Variants in MRPL34 observed in about 807,000 individuals in gnomAD.
The protein encoded by MRPL34 is large ribosomal subunit protein bL34m.
In MRPL34, 8 loss-of-function variants were observed where a neutral mutation model predicts 6.7. The ratio of observed to expected loss-of-function variants is 1.20; its 90% confidence interval spans 0.70 to 2.16. MRPL34 has a LOEUF of 2.16. Ranked by LOEUF, MRPL34 falls within the 30% of genes most tolerant of loss-of-function variation. The pLI is 0.00. For synonymous variants in MRPL34, 59 were observed against 55.1 expected (o/e 1.07, Z -0.31); for missense variants, 146 against 125.5 (o/e 1.16, Z -0.78).
chr19:17,300,738 A>G, upstream of MRPL34: 1 of 1,327,232 alleles, frequency 7.5e-7, no homozygotes, highest in Non-Finnish European at 1.0e-6. Flanking sequence ...TCGGCCTCCC[A>G]AAGTGCTGGG....
upstream of MRPL34, chr19:17,301,490 C>T (rs760095047): frequency 7.4e-6 from 12 of 1,611,562 alleles, no homozygotes; most frequent in African/African-American, 9.3e-5. Context: ...ACCCGCAGCA[C>T]GCGGCCGGGC....
upstream of MRPL34, among the ~76,000 whole-genome samples, chr19:17,298,984 T>G (rs375312149): frequency 4.6e-5 from 7 of 152,270 alleles, no homozygotes; most frequent in East Asian, 1.9e-4. Flanking sequence ...TCAAGTGATC[T>G]GCCTGCTTTG....
At chr19:17,295,251 G>A (rs1300564272) in intron 1 of MRPL34, among the ~76,000 whole-genome samples, 3 of 148,634 alleles carry the variant, frequency 2.0e-5, no homozygotes, top group Non-Finnish European at 3.0e-5. Context: ...GACTACAGGC[G>A]CCCGCCACCG....
At chr19:17,293,118 CAG>C (rs942497023) in intron 1 of MRPL34, among the ~76,000 whole-genome samples, 11 of 134,874 alleles carry the variant, frequency 8.2e-5, no homozygotes, top group African/African-American at 3.1e-4. Flanking sequence ...TTTTTTGAGA[CAG>C]AGTCTTGCTC....
chr19:17,301,527 G>T (rs753140950), upstream of MRPL34: 2 of 1,610,444 alleles, frequency 1.2e-6, no homozygotes, highest in South Asian at 1.1e-5. Flanking sequence ...TGTAGCCATC[G>T]CTGGACTCGA....
upstream of MRPL34, chr19:17,305,796 G>C: frequency 7.7e-7 from 1 of 1,306,554 alleles, no homozygotes; most frequent in Non-Finnish European, 1.1e-6. Context: ...TTGCACGTTA[G>C]GAGAAACTAC....
At position 17,295,192 on chromosome 19, in the gene MRPL34, G is replaced by C. The variant is rs922396549; in HGVS notation, c.214+2338G>C. On this transcript the variant is annotated intron_variant, in intron 1 of 2. Coordinates refer to the MRPL34 transcript ENST00000595444. ...GCAATCTCGGCTCACTGCAAGCTCC[G>C]CTTCCCGGGTTCACGCCATTCTCCT... Among the ~76,000 whole-genome samples the C allele has an allele frequency of 9.2e-4, 129 of 139,724 alleles. 4 individuals are homozygous for C. The Middle Eastern group carries it at 0.013, about 14-fold the overall frequency. 91.7% of individuals were successfully genotyped at this position (139,724 alleles called of 152,430 possible). A position where few individuals can be genotyped will look rare whatever the true frequency, so the allele number is the denominator to read the frequency against.
upstream of MRPL34, among the ~76,000 whole-genome samples, chr19:17,299,299 C>T (rs538801273): frequency 3.0e-4 from 44 of 148,258 alleles, no homozygotes; most frequent in African/African-American, 1.0e-3. Flanking sequence ...CGTTGGCTCA[C>T]GCCTGTAATC....
upstream of MRPL34, among the ~76,000 whole-genome samples, chr19:17,299,393 G>C (rs184139190): frequency 6.9e-3 from 1,041 of 151,766 alleles, 3 homozygotes; most frequent in Middle Eastern, 0.017. Flanking sequence ...AACCCCGTCT[G>C]TACTAAAAAG....
chr19:17,294,771 C>T (rs770758079), intron 1 of MRPL34: 3 of 1,614,206 alleles, frequency 1.9e-6, no homozygotes, highest in Non-Finnish European at 2.5e-6. Context: ...CGCCGTAGGG[C>T]CCCCGCCATT....
At position 17,306,660 on chromosome 19, in the gene MRPL34, A is replaced by C. The variant is rs2074150724; in HGVS notation, c.*281A>C. 3.5e-6 allele frequency: 1 copy of C among 281,948 alleles called. No homozygotes were observed. The allele number at this position is 281,948 out of a possible 1,614,324, so 17.5% of individuals were successfully genotyped here. The stretch of plus-strand genomic sequence containing the variant: ...ACTACCTACAACCCGTCCCTGCCCC[A>C]TCCTGAGTTCTTTTGAAGCTGATCT... On this transcript the variant is annotated 3_prime_UTR_variant, in exon 2 of 2. Transcript: ENST00000252602.
chr19:17,293,998 C>T (rs150665425), intron 1 of MRPL34, among the ~76,000 whole-genome samples: 2 of 152,232 alleles, frequency 1.3e-5, no homozygotes, highest in East Asian at 3.9e-4. Flanking sequence ...ACAAATCCTC[C>T]GCTGTGAGGA....
At chr19:17,302,006 C>T (rs901278702), upstream of MRPL34, among the ~76,000 whole-genome samples, 1 of 152,078 alleles carries the variant, frequency 6.6e-6, no homozygotes, top group Non-Finnish European at 1.5e-5. Flanking sequence ...GTTGGCCAGG[C>T]TGGTCTTGAA....
At chr19:17,305,840 G>T (rs368255292), upstream of MRPL34, 97 of 1,547,698 alleles carry the variant, frequency 6.3e-5, no homozygotes, top group Non-Finnish European at 8.3e-5. Context: ...GGGCTGGAGC[G>T]GCTCTGGGCT....
intron 1 of MRPL34, chr19:17,294,644 G>T (rs1274502468): frequency 7.4e-6 from 12 of 1,610,946 alleles, no homozygotes; most frequent in Non-Finnish European, 1.0e-5. Context: ...GCCAGGGCCA[G>T]GATCACGGTC....
upstream of MRPL34, among the ~76,000 whole-genome samples, chr19:17,299,829 T>G (rs1468501138): frequency 1.3e-5 from 2 of 152,136 alleles, no homozygotes. Flanking sequence ...TTTGCCATGT[T>G]GTCCAAACTC....
chr19:17,296,078 G>A (rs2074092820), intron 1 of MRPL34: 1 of 152,226 alleles, frequency 6.6e-6, no homozygotes, highest in Non-Finnish European at 1.5e-5. Context: ...TTCTTCCCCT[G>A]GGGTCCATGG....
chr19:17,301,320 A>G, upstream of MRPL34: 1 of 1,607,626 alleles, frequency 6.2e-7, no homozygotes, highest in South Asian at 1.1e-5. Flanking sequence ...GGTCGGCTCG[A>G]GGGGCTCGGC....
At chr19:17,299,476 G>A (rs1377444104), upstream of MRPL34, among the ~76,000 whole-genome samples, 2 of 148,226 alleles carry the variant, frequency 1.3e-5, no homozygotes, top group Non-Finnish European at 3.0e-5. Flanking sequence ...CAGGAGAATG[G>A]CATGAACCTG....
Sources: gnomAD v4.1 joint callset for allele counts (sites outside exome capture counted in the v4.1 genomes callset) on GRCh38, gnomAD v4.1.1 for gene constraint, MANE v1.5 for transcripts, NCBI Gene and HGNC (gene_info 2026-07-23, HGNC 2026-07-21) for gene names.